Variants in RAB3GAP2 observed in about 807,000 individuals in gnomAD.
The protein encoded by RAB3GAP2 is rab3 GTPase-activating protein non-catalytic subunit.
A neutral mutation model predicts 185.3 loss-of-function variants in RAB3GAP2; 87 were observed. The ratio of observed to expected loss-of-function variants is 0.47; its 90% confidence interval spans 0.39 to 0.56. The LOEUF (loss-of-function observed/expected upper bound fraction) is 0.56. Ranked by LOEUF, RAB3GAP2 falls within the 20% of genes least tolerant of loss-of-function variation. The probability of loss-of-function intolerance (pLI) is 0.00; values close to 1 mark genes in which losing one functional copy is unlikely to be tolerated. For synonymous variants in RAB3GAP2, 554 were observed against 576.1 expected, an observed-to-expected ratio of 0.96 and a Z score of 0.55; for missense variants, 1,492 against 1,638.2, an observed-to-expected ratio of 0.91 and a Z score of 1.54.
At chr1:220,180,734 G>T (rs1233411354) in intron 21 of RAB3GAP2, among the ~76,000 whole-genome samples, 1 of 152,106 alleles carries the variant, frequency 6.6e-6, no homozygotes, top group Non-Finnish European at 1.5e-5. Flanking sequence ...CATTCTATGA[G>T]GCCAACATTA....
chr1:220,231,177 C>A (rs1331189548), intron 2 of RAB3GAP2, among the ~76,000 whole-genome samples: 1 of 152,160 alleles, frequency 6.6e-6, no homozygotes, highest in Non-Finnish European at 1.5e-5. Context: ...TTCTTCTCTG[C>A]CCCATCTTGG....
chr1:220,184,288 A>C, intron 18 of RAB3GAP2, 125 bp from the exon 19 acceptor site: 3 of 871,346 alleles, frequency 3.4e-6, no homozygotes, highest in Non-Finnish European at 5.3e-6. Flanking sequence ...AAATACTGAG[A>C]TGCTTAAGCT....
chr1:220,154,530 G>T, intron 31 of RAB3GAP2: 1 of 158,308 alleles, frequency 6.3e-6, no homozygotes, highest in Non-Finnish European at 1.4e-5. Flanking sequence ...CCCCATCCCA[G>T]TTGAGCTTTC....
rs1485754028 is a variant in RAB3GAP2, at chr1:220,148,985, CACTACTGGTTACT to C, written c.*2253_*2265del. ...GAGGGTGGGCATATATCTAGGAAAA[CACTACTGGTTACT>C]GGCTTCTCATCAATAACTACAAAGT... is the stretch of plus-strand genomic sequence containing the variant. On this transcript the variant is annotated 3_prime_UTR_variant, in exon 35 of 35. Coordinates refer to ENST00000358951, the MANE Select transcript of RAB3GAP2 (RefSeq NM_012414.4). 2 of 152,230 alleles carry C rather than the reference CACTACTGGTTACT, an allele frequency of 1.3e-5. No individual in the cohort carries two copies. Among genetic ancestry groups the C allele is most frequent in the East Asian group, 3.9e-4 (2 of 5,186 alleles). 9.4% of individuals were successfully genotyped at this position (152,230 alleles called of 1,614,324 possible).
intron 9 of RAB3GAP2, chr1:220,200,718 A>G: frequency 2.0e-6 from 1 of 492,240 alleles, no homozygotes. Flanking sequence ...AGACACACTG[A>G]AATGTTTACC....
intron 9 of RAB3GAP2, among the ~76,000 whole-genome samples, chr1:220,199,822 G>A (rs1490182092): frequency 6.6e-6 from 1 of 151,940 alleles, no homozygotes; most frequent in Non-Finnish European, 1.5e-5. Flanking sequence ...AGTACAAAAG[G>A]TATCTCAAAT....
chr1:220,214,397 G>A lies in RAB3GAP2; in HGVS notation c.181-418C>T, dbSNP rs546746623. On this transcript the variant is annotated intron_variant, in intron 2 of 34. Transcript: ENST00000358951. ...AAAAATTAGCCAGGTGTGGCGGCGC[G>A]TGCCTGTAATCCCAGCTACTCGGGA... Among the ~76,000 whole-genome samples, 157 of 152,058 alleles carry A rather than the reference G, an allele frequency of 1.0e-3. 1 individual carries two copies. The highest frequency in any genetic ancestry group is 3.7e-3 in the African/African-American group (152 of 41,484).
At chr1:220,179,090 C>A (rs1013418381) in intron 21 of RAB3GAP2, among the ~76,000 whole-genome samples, 4 of 151,594 alleles carry the variant, frequency 2.6e-5, no homozygotes, top group African/African-American at 9.7e-5. Flanking sequence ...AGAAGCTGTA[C>A]CTATATCAGA....
intron 2 of RAB3GAP2, among the ~76,000 whole-genome samples, chr1:220,231,041 T>C (rs953560416): frequency 6.6e-6 from 1 of 152,192 alleles, no homozygotes; most frequent in Admixed American, 6.5e-5. Flanking sequence ...CTACTTTTGC[T>C]CCCTACTTCA....
At chr1:220,152,002 T>G (rs959680988) in intron 33 of RAB3GAP2, among the ~76,000 whole-genome samples, 1 of 152,204 alleles carries the variant, frequency 6.6e-6, no homozygotes, top group Non-Finnish European at 1.5e-5. Flanking sequence ...ATGTGGCTAC[T>G]CAGTGTGCTG....
chr1:220,177,324 A>C (rs1658310920), intron 21 of RAB3GAP2, among the ~76,000 whole-genome samples: 1 of 152,246 alleles, frequency 6.6e-6, no homozygotes, highest in Admixed American at 6.5e-5. Context: ...AATCCCTGGA[A>C]GGCCCTCTGA....
chr1:220,210,085 T>C (rs1230492509), intron 7 of RAB3GAP2, among the ~76,000 whole-genome samples: 2 of 152,226 alleles, frequency 1.3e-5, no homozygotes, highest in Non-Finnish European at 2.9e-5. Context: ...TATAAGGTTA[T>C]AAAATATCAT....
rs576169278 is a variant in RAB3GAP2, at chr1:220,226,700, C to T, written c.180+6099G>A. Among the ~76,000 whole-genome samples the T allele has an allele frequency of 2.0e-5, 3 of 152,242 alleles. No homozygotes were observed. In the East Asian group the frequency reaches 5.8e-4, roughly 29 times the overall value. ...TTTACTTATAGGCAAGTTGAAATTC[C>T]TTAACCTTACTTTTGTCACTTGCCC... On this transcript the variant is annotated intron_variant, in intron 2 of 34. Transcript: ENST00000358951.
chr1:220,244,444 C>T (rs1199263124), intron 1 of RAB3GAP2, among the ~76,000 whole-genome samples: 4 of 152,076 alleles, frequency 2.6e-5, no homozygotes, highest in African/African-American at 4.8e-5. Flanking sequence ...TGCTCATGGA[C>T]GGGAAGAATC....
At chr1:220,236,237 T>C (rs1659589222) in intron 1 of RAB3GAP2, among the ~76,000 whole-genome samples, 1 of 152,152 alleles carries the variant, frequency 6.6e-6, no homozygotes, top group Admixed American at 6.5e-5. Flanking sequence ...AGTGCAGTGG[T>C]GCCATCTCGG....
At chr1:220,212,501 T>TA (rs140698982) in intron 4 of RAB3GAP2, among the ~76,000 whole-genome samples, 10,481 of 150,606 alleles carry the variant, frequency 0.07, 481 homozygotes, top group South Asian at 0.13. Flanking sequence ...TCTAAAAAAT[T>TA]TTTTTTTTTA....
intron 1 of RAB3GAP2, among the ~76,000 whole-genome samples, chr1:220,256,612 T>C (rs2102528102): frequency 6.6e-6 from 1 of 152,252 alleles, no homozygotes; most frequent in African/African-American, 2.4e-5. Flanking sequence ...AAAACAGACT[T>C]ACAAAACAGA....
At chr1:220,197,316 C>A (rs1197081381) in intron 9 of RAB3GAP2, among the ~76,000 whole-genome samples, 1 of 150,822 alleles carries the variant, frequency 6.6e-6, no homozygotes, top group Non-Finnish European at 1.5e-5. Context: ...TGTGCCTGAC[C>A]TTACTAAATT....
At chr1:220,269,850 T>C (rs1660302411) in intron 1 of RAB3GAP2, among the ~76,000 whole-genome samples, 1 of 152,196 alleles carries the variant, frequency 6.6e-6, no homozygotes, top group African/African-American at 2.4e-5. Context: ...TATCATATCA[T>C]AGCCCAGGTT....
Sources: gnomAD v4.1 joint callset for allele counts (sites outside exome capture counted in the v4.1 genomes callset) on GRCh38, gnomAD v4.1.1 for gene constraint, MANE v1.5 for transcripts, NCBI Gene and HGNC (gene_info 2026-07-23, HGNC 2026-07-21) for gene names.